RGS6: variants seen among roughly 807,000 people sequenced by gnomAD.
RGS6 encodes regulator of G-protein signaling 6.
A neutral mutation model predicts 78.5 loss-of-function variants in RGS6; 30 were observed. That is an observed-to-expected ratio of 0.38 (90% confidence interval 0.29 to 0.52). The LOEUF (loss-of-function observed/expected upper bound fraction) is 0.52. RGS6 is among the 20% of genes least tolerant of loss of function. The pLI is 0.85. For synonymous variants in RGS6, 206 were observed against 206.0 expected, an observed-to-expected ratio of 1.00 and a Z score of 0.00; for missense variants, 495 against 609.7, an observed-to-expected ratio of 0.81 and a Z score of 1.98.
chr14:72,356,459 C>T (rs2080313243), intron 3 of RGS6, among the ~76,000 whole-genome samples: 1 of 152,124 alleles, frequency 6.6e-6, no homozygotes, highest in African/African-American at 2.4e-5. Context: ...TACCCAGTCT[C>T]AGATCATTCT....
At chr14:72,306,710 C>T (rs1385604634) in intron 2 of RGS6, among the ~76,000 whole-genome samples, 1 of 152,186 alleles carries the variant, frequency 6.6e-6, no homozygotes, top group Non-Finnish European at 1.5e-5. Context: ...GAAGATGTGA[C>T]TGAACTGCTG....
At chr14:72,064,988 G>A (rs2094073661) in intron 2 of RGS6, among the ~76,000 whole-genome samples, 1 of 152,058 alleles carries the variant, frequency 6.6e-6, no homozygotes, top group Admixed American at 6.6e-5. Context: ...GGAGGTTACT[G>A]GCCAGAACTA....
intron 2 of RGS6, among the ~76,000 whole-genome samples, chr14:72,099,896 G>C (rs1300509071): frequency 6.6e-6 from 1 of 152,090 alleles, no homozygotes; most frequent in Non-Finnish European, 1.5e-5. Flanking sequence ...TTTCTACTTG[G>C]GAAACTGAGT....
At chr14:71,871,931 G>A in the RGS6 span, among the ~76,000 whole-genome samples, 4 of 148,952 alleles carry the variant, frequency 2.7e-5, no homozygotes, top group Non-Finnish European at 6.0e-5. Flanking sequence ...CTCCAACATC[G>A]ATTTCCTGGA....
chr14:72,448,639 A>G (rs2095423491), intron 3 of RGS6, among the ~76,000 whole-genome samples: 1 of 152,262 alleles, frequency 6.6e-6, no homozygotes, highest in African/African-American at 2.4e-5. Flanking sequence ...CCTGGAATAT[A>G]GAAAGTACTC....
intron 3 of RGS6, among the ~76,000 whole-genome samples, chr14:72,394,468 G>A (rs1469413460): frequency 2.6e-5 from 4 of 152,130 alleles, no homozygotes; most frequent in Non-Finnish European, 5.9e-5. Context: ...AACCGTAAAA[G>A]ACAGACATTC....
At chr14:72,248,692 CTA>C (rs1248568242) in intron 2 of RGS6, among the ~76,000 whole-genome samples, 8 of 152,172 alleles carry the variant, frequency 5.3e-5, no homozygotes, top group African/African-American at 1.9e-4. Flanking sequence ...TTAATTAGCT[CTA>C]TGTTAATTCT....
intron 17 of RGS6, chr14:72,541,745 C>A: frequency 9.5e-7 from 1 of 1,048,074 alleles, no homozygotes; most frequent in Non-Finnish European, 1.4e-6. Context: ...TGACAGCCCC[C>A]GGAAGCTCTT....
In RGS6 at chr14:72,049,856, A is replaced by T. The variant is rs115325285; in HGVS notation, c.84+84981A>T. 3.2e-3 allele frequency among the ~76,000 whole-genome samples: 494 copies of T among 152,328 alleles called. 3 individuals are homozygous for T. Among genetic ancestry groups the T allele is most frequent in the African/African-American group, 0.011 (476 of 41,564 alleles). On this transcript the variant is annotated intron_variant, in intron 2 of 17. Coordinates refer to ENST00000553525, the MANE Select transcript of RGS6 (RefSeq NM_001204424.2). ...TAGTCTCTAAAAATTTATTTTGAAG[A>T]TATGCTGTATCAAAAGCAATTTAAG...
intron 2 of RGS6, among the ~76,000 whole-genome samples, chr14:72,064,996 C>G (rs1048236886): frequency 2.6e-5 from 4 of 152,102 alleles, no homozygotes; most frequent in Non-Finnish European, 4.4e-5. Context: ...CTGGCCAGAA[C>G]TATTATAATA....
intron 2 of RGS6, among the ~76,000 whole-genome samples, chr14:72,035,224 TGG>T (rs1397314293): frequency 6.6e-6 from 1 of 152,206 alleles, no homozygotes; most frequent in Non-Finnish European, 1.5e-5. Context: ...GATTCAGTCT[TGG>T]TAGATGGTAT....
At chr14:72,079,054 G>A (rs1479154235) in intron 2 of RGS6, among the ~76,000 whole-genome samples, 1 of 151,908 alleles carries the variant, frequency 6.6e-6, no homozygotes, top group Non-Finnish European at 1.5e-5. Flanking sequence ...TTTCTCAACT[G>A]ATGTACCAAA....
chr14:72,243,561 G>A (rs1449248717), intron 2 of RGS6, among the ~76,000 whole-genome samples: 1 of 152,112 alleles, frequency 6.6e-6, no homozygotes, highest in Middle Eastern at 3.2e-3. Flanking sequence ...TCTTCCCACA[G>A]CCTTTTGCTA....
At chr14:71,875,894 C>T in the RGS6 span, among the ~76,000 whole-genome samples, 1 of 152,166 alleles carries the variant, frequency 6.6e-6, no homozygotes, top group Non-Finnish European at 1.5e-5. Flanking sequence ...GCCTTCATCT[C>T]ATTATGTACC....
chr14:72,321,482 G>T (rs559625205), intron 2 of RGS6, among the ~76,000 whole-genome samples: 1 of 151,858 alleles, frequency 6.6e-6, no homozygotes, highest in African/African-American at 2.4e-5. Flanking sequence ...AAAGTGTCTC[G>T]CAAACTTGAA....
the RGS6 span, among the ~76,000 whole-genome samples, chr14:71,887,151 C>T: frequency 5.3e-5 from 8 of 152,176 alleles, no homozygotes; most frequent in African/African-American, 1.7e-4. Context: ...TATCAGTTCC[C>T]AAGTAATACT....
At position 71,932,429 on chromosome 14, in the gene RGS6, G is replaced by C. The variant is rs1242969995; in HGVS notation, c.-533G>C. The C allele has an allele frequency of 1.3e-5, 2 of 151,664 alleles. No individual in the cohort carries two copies. The highest frequency in any genetic ancestry group is 2.1e-4 in the South Asian group (1 of 4,826). The allele number at this position is 151,664 out of a possible 1,614,324, so 9.4% of individuals were successfully genotyped here. ...GCAGCAGCTCGCGGGCCGCGGAGCT[G>C]AACGGCTTCGCGAGTTGGGGCAGCT... On this transcript the variant is annotated 5_prime_UTR_variant, in exon 1 of 18. Coordinates refer to ENST00000553525, the MANE Select transcript of RGS6 (RefSeq NM_001204424.2).
intron 2 of RGS6, among the ~76,000 whole-genome samples, chr14:72,256,088 G>A (rs772662588): frequency 1.3e-5 from 2 of 152,312 alleles, no homozygotes; most frequent in Non-Finnish European, 2.9e-5. Context: ...GTGTTGCAGC[G>A]AGAAAGATTT....
chr14:72,068,209 C>A (rs538837187), intron 2 of RGS6, among the ~76,000 whole-genome samples: 182 of 150,322 alleles, frequency 1.2e-3, no homozygotes, highest in Admixed American at 2.2e-3. Context: ...TCTTGACTCA[C>A]TGCAACCTCT....
Sources: gnomAD v4.1 joint callset for allele counts (sites outside exome capture counted in the v4.1 genomes callset) on GRCh38, gnomAD v4.1.1 for gene constraint, MANE v1.5 for transcripts, NCBI Gene and HGNC (gene_info 2026-07-23, HGNC 2026-07-21) for gene names.